GALNTL6: variants seen among roughly 807,000 people sequenced by gnomAD.
GALNTL6 encodes the protein polypeptide N-acetylgalactosaminyltransferase-like 6.
A neutral mutation model predicts 73.7 loss-of-function variants in GALNTL6; 46 were observed. That is an observed-to-expected ratio of 0.62 (90% CI 0.49 to 0.80). The LOEUF is 0.80. Ranked by LOEUF, GALNTL6 falls within the 30% of genes least tolerant of loss-of-function variation. The probability of loss-of-function intolerance (pLI) is 0.00; values close to 1 mark genes in which losing one functional copy is unlikely to be tolerated. For synonymous variants in GALNTL6, 259 were observed against 263.7 expected (o/e 0.98, Z 0.17); for missense variants, 604 against 755.0 (o/e 0.80, Z 2.34).
At chr4:172,869,732 C>T (rs574736090) in intron 7 of GALNTL6, among the ~76,000 whole-genome samples, 15 of 152,194 alleles carry the variant, frequency 9.9e-5, no homozygotes, top group Non-Finnish European at 1.3e-4. Context: ...TTCTGGTACC[C>T]TCACCCTGAT....
intron 9 of GALNTL6, among the ~76,000 whole-genome samples, chr4:172,946,623 A>C (rs1230695634): frequency 6.6e-6 from 1 of 152,224 alleles, no homozygotes; most frequent in Non-Finnish European, 1.5e-5. Flanking sequence ...GATAGCACAA[A>C]GAAAACAAGA....
At chr4:172,853,688 T>C (rs989622549) in intron 7 of GALNTL6, among the ~76,000 whole-genome samples, 1 of 152,208 alleles carries the variant, frequency 6.6e-6, no homozygotes, top group African/African-American at 2.4e-5. Context: ...ATTGTGCTAA[T>C]AGCTTATTGC....
intron 3 of GALNTL6, among the ~76,000 whole-genome samples, chr4:172,309,902 A>G (rs964956612): frequency 6.6e-6 from 1 of 152,096 alleles, no homozygotes; most frequent in Non-Finnish European, 1.5e-5. Flanking sequence ...GCATAGGACT[A>G]AAAGAATGAA....
intron 8 of GALNTL6, among the ~76,000 whole-genome samples, chr4:172,903,197 T>C (rs1218593411): frequency 1.3e-5 from 2 of 152,172 alleles, no homozygotes; most frequent in Non-Finnish European, 2.9e-5. Flanking sequence ...ATAAGTTATC[T>C]GCTCACCTAA....
chr4:172,772,581 G>T (rs545893308), intron 5 of GALNTL6, among the ~76,000 whole-genome samples: 4 of 107,834 alleles, frequency 3.7e-5, no homozygotes, highest in Admixed American at 2.7e-4. Flanking sequence ...CAGTTTCATT[G>T]GTCTGTTTAT....
At chr4:172,205,382 T>C (rs1428785450) in intron 2 of GALNTL6, among the ~76,000 whole-genome samples, 1 of 152,206 alleles carries the variant, frequency 6.6e-6, no homozygotes, top group Non-Finnish European at 1.5e-5. Flanking sequence ...AGATGAACTT[T>C]ACATAGACTG....
At chr4:171,890,506 ATCT>A (rs1179205813) in intron 2 of GALNTL6, among the ~76,000 whole-genome samples, 1 of 152,134 alleles carries the variant, frequency 6.6e-6, no homozygotes, top group African/African-American at 2.4e-5. Context: ...GTTATGTCCT[ATCT>A]TCTTGAAAGA....
At chr4:171,923,803 T>TGTGA (rs1419644850) in intron 2 of GALNTL6, among the ~76,000 whole-genome samples, 9 of 147,626 alleles carry the variant, frequency 6.1e-5, no homozygotes, top group Admixed American at 6.0e-4. Flanking sequence ...TGTGTGTGTG[T>TGTGA]GTGTGTGTGT....
intron 7 of GALNTL6, among the ~76,000 whole-genome samples, chr4:172,871,186 A>T (rs1057473082): frequency 6.6e-6 from 1 of 151,998 alleles, no homozygotes; most frequent in Non-Finnish European, 1.5e-5. Flanking sequence ...TTCTAAAACA[A>T]CTCCTTCTGA....
chr4:171,902,464 C>T (rs889062837), intron 2 of GALNTL6, among the ~76,000 whole-genome samples: 2 of 152,152 alleles, frequency 1.3e-5, no homozygotes, highest in African/African-American at 4.8e-5. Flanking sequence ...CGAGGACATT[C>T]AGTGACTTCA....
At chr4:172,898,388 G>A (rs1312966254) in intron 8 of GALNTL6, among the ~76,000 whole-genome samples, 9 of 146,686 alleles carry the variant, frequency 6.1e-5, no homozygotes, top group Middle Eastern at 3.4e-3. Flanking sequence ...AACATATGAA[G>A]ATGCTAACCA....
At chr4:172,305,163 G>C (rs530176554) in intron 3 of GALNTL6, among the ~76,000 whole-genome samples, 166 of 152,148 alleles carry the variant, frequency 1.1e-3, no homozygotes, top group Non-Finnish European at 2.0e-3. Context: ...AAAATTGGTA[G>C]GTGTGCCAAT....
intron 5 of GALNTL6, among the ~76,000 whole-genome samples, chr4:172,562,264 G>A (rs550480446): frequency 5.3e-5 from 8 of 152,280 alleles, no homozygotes; most frequent in African/African-American, 1.9e-4. Context: ...TTGGCCTCCA[G>A]CTCAAAGGGA....
intron 5 of GALNTL6, among the ~76,000 whole-genome samples, chr4:172,683,266 C>T (rs1397486232): frequency 6.6e-6 from 1 of 152,132 alleles, no homozygotes; most frequent in East Asian, 1.9e-4. Flanking sequence ...AGTCAGTGGT[C>T]ATAGAACACA....
At chr4:171,873,651 T>G (rs1736195389) in intron 2 of GALNTL6, among the ~76,000 whole-genome samples, 1 of 152,198 alleles carries the variant, frequency 6.6e-6, no homozygotes, top group Non-Finnish European at 1.5e-5. Context: ...TAGTGATTTA[T>G]CAATACTTCT....
chr4:172,371,330 G>A (rs1742802204), intron 5 of GALNTL6, among the ~76,000 whole-genome samples: 1 of 152,210 alleles, frequency 6.6e-6, no homozygotes, highest in Non-Finnish European at 1.5e-5. Flanking sequence ...CCTGGGTTAA[G>A]GACTTTTGAT....
intron 2 of GALNTL6, among the ~76,000 whole-genome samples, chr4:172,212,794 A>C (rs553453113): frequency 6.6e-6 from 1 of 152,164 alleles, no homozygotes; most frequent in African/African-American, 2.4e-5. Context: ...CAGCCTCCTG[A>C]GTAGCTGGGA....
chr4:172,599,906 T>TA (rs1338615588), intron 5 of GALNTL6, among the ~76,000 whole-genome samples: 4 of 152,128 alleles, frequency 2.6e-5, no homozygotes, highest in South Asian at 2.1e-4. Context: ...AATGTGCCTT[T>TA]AAAAAAACAA....
chr4:172,988,840 G>A (rs1030993075), intron 10 of GALNTL6, among the ~76,000 whole-genome samples: 10 of 152,268 alleles, frequency 6.6e-5, no homozygotes, highest in African/African-American at 9.6e-5. Flanking sequence ...TCCACATGGT[G>A]TTAAGTCTGC....
Sources: gnomAD v4.1 joint callset for allele counts (sites outside exome capture counted in the v4.1 genomes callset) on GRCh38, gnomAD v4.1.1 for gene constraint, MANE v1.5 for transcripts, NCBI Gene and HGNC (gene_info 2026-07-23, HGNC 2026-07-21) for gene names.